VOPP1: variants seen among roughly 807,000 people sequenced by gnomAD.
VOPP1 encodes the protein VOPP1 WW domain binding protein.
In VOPP1, 8 loss-of-function variants were observed where a neutral mutation model predicts 23.5. That is an observed-to-expected ratio of 0.34 (90% CI 0.20 to 0.61). VOPP1 has a LOEUF of 0.61. Ranked by LOEUF, VOPP1 falls within the 20% of genes least tolerant of loss-of-function variation. The pLI, the probability that VOPP1 is intolerant of heterozygous loss-of-function variation, is 0.78. For synonymous variants in VOPP1, 83 were observed against 97.3 expected (o/e 0.85, Z 0.86); for missense variants, 174 against 238.1 (o/e 0.73, Z 1.77).
chr7:55,481,744 G>T (rs1052362972), intron 4 of VOPP1, among the ~76,000 whole-genome samples: 4 of 152,148 alleles, frequency 2.6e-5, no homozygotes, highest in African/African-American at 9.7e-5. Context: ...TGACTCTCCG[G>T]CCCTGTGCTC....
intron 1 of VOPP1, among the ~76,000 whole-genome samples, chr7:55,537,301 C>T (rs751811668): frequency 6.6e-6 from 1 of 152,222 alleles, no homozygotes; most frequent in Non-Finnish European, 1.5e-5. Context: ...TCACTGACGT[C>T]TCTCACACAC....
chr7:55,445,364 ATAT>A (rs1791076943), intron 4 of VOPP1, among the ~76,000 whole-genome samples: 1 of 152,298 alleles, frequency 6.6e-6, no homozygotes, highest in Non-Finnish European at 1.5e-5. Flanking sequence ...TACACACTTC[ATAT>A]GCCTCTTCTA....
chr7:55,558,435 C>A (rs533322929), intron 1 of VOPP1, among the ~76,000 whole-genome samples: 1 of 152,136 alleles, frequency 6.6e-6, no homozygotes, highest in East Asian at 1.9e-4. Flanking sequence ...CTTAAACTTC[C>A]ATCAGACAAC....
intron 1 of VOPP1, among the ~76,000 whole-genome samples, chr7:55,532,680 C>A (rs1370068818): frequency 6.6e-6 from 1 of 152,002 alleles, no homozygotes; most frequent in African/African-American, 2.4e-5. Flanking sequence ...CAGCTCAAAG[C>A]AATCTGAGGG....
chr7:55,480,658 G>A (rs1391975008), intron 4 of VOPP1, among the ~76,000 whole-genome samples: 2 of 152,048 alleles, frequency 1.3e-5, no homozygotes, highest in Non-Finnish European at 2.9e-5. Flanking sequence ...AGCCTCTTTT[G>A]AGGAGAGCTC....
intron 3 of VOPP1, among the ~76,000 whole-genome samples, chr7:55,494,795 G>A (rs1793833516): frequency 6.6e-6 from 1 of 152,106 alleles, no homozygotes; most frequent in Admixed American, 6.5e-5. Context: ...CTAACAAAGG[G>A]GCAGGAGAAA....
At chr7:55,502,052 C>T (rs1434595390) in intron 2 of VOPP1, among the ~76,000 whole-genome samples, 1 of 152,252 alleles carries the variant, frequency 6.6e-6, no homozygotes, top group African/African-American at 2.4e-5. Flanking sequence ...GTGACTGAAT[C>T]ATTTTTCATG....
intron 3 of VOPP1, among the ~76,000 whole-genome samples, chr7:55,493,375 T>C (rs1793717547): frequency 1.3e-5 from 2 of 152,218 alleles, no homozygotes; most frequent in Admixed American, 6.5e-5. Flanking sequence ...CCTGTGAGGA[T>C]GGGCACACAG....
At chr7:55,528,545 C>T (rs934188391) in intron 1 of VOPP1, among the ~76,000 whole-genome samples, 1 of 152,052 alleles carries the variant, frequency 6.6e-6, no homozygotes, top group Admixed American at 6.5e-5. Context: ...ATTAGCTGGG[C>T]GTGGTGGCGC....
chr7:55,482,039 ATT>A (rs1792751692), intron 4 of VOPP1, among the ~76,000 whole-genome samples: 1 of 152,144 alleles, frequency 6.6e-6, no homozygotes, highest in African/African-American at 2.4e-5. Flanking sequence ...ATATTTTTAC[ATT>A]TTTGTTTTAC....
intron 1 of VOPP1, among the ~76,000 whole-genome samples, chr7:55,561,421 A>G (rs912056240): frequency 2.6e-5 from 4 of 152,150 alleles, no homozygotes; most frequent in African/African-American, 9.7e-5. Context: ...TAAAGAATTT[A>G]CAGACCAGGC....
chr7:55,449,932 C>T (rs1370503969), intron 4 of VOPP1, among the ~76,000 whole-genome samples: 1 of 152,194 alleles, frequency 6.6e-6, no homozygotes, highest in Non-Finnish European at 1.5e-5. Flanking sequence ...AGGGGAGAAA[C>T]AAACATGTCA....
At chr7:55,502,200 C>T (rs914116526) in intron 2 of VOPP1, among the ~76,000 whole-genome samples, 3 of 152,216 alleles carry the variant, frequency 2.0e-5, no homozygotes, top group Admixed American at 2.0e-4. Context: ...ATATGTAGAG[C>T]CCTCGTCCAG....
At chr7:55,492,104 T>C (rs1181922123) in intron 4 of VOPP1, among the ~76,000 whole-genome samples, 178 bp downstream of exon 4, 2 of 152,192 alleles carry the variant, frequency 1.3e-5, no homozygotes, top group Admixed American at 6.5e-5. Flanking sequence ...GCGTGCGATA[T>C]ACCTTACATT....
downstream of VOPP1, among the ~76,000 whole-genome samples, chr7:55,465,852 C>T (rs1791618143): frequency 6.6e-6 from 1 of 152,204 alleles, no homozygotes; most frequent in Non-Finnish European, 1.5e-5. Flanking sequence ...CAGGGACTCT[C>T]TCACATCTAC....
intron 4 of VOPP1, among the ~76,000 whole-genome samples, chr7:55,452,578 CAAT>C (rs1160182757): frequency 2.0e-5 from 3 of 152,270 alleles, no homozygotes; most frequent in South Asian, 4.1e-4. Context: ...ATGTCATAAA[CAAT>C]AAGACTTGAA....
intron 4 of VOPP1, among the ~76,000 whole-genome samples, chr7:55,438,788 A>C (rs1442087908): frequency 1.3e-5 from 2 of 152,236 alleles, no homozygotes; most frequent in Non-Finnish European, 2.9e-5. Flanking sequence ...GTAGGAGCAC[A>C]GGCAGGAGCA....
At chr7:55,443,967 AT>A (rs1342980473) in intron 4 of VOPP1, among the ~76,000 whole-genome samples, 2 of 152,094 alleles carry the variant, frequency 1.3e-5, no homozygotes, top group Non-Finnish European at 2.9e-5. Context: ...ATTCAGATTG[AT>A]ATGTTGCCTG....
At chr7:55,530,721 T>C (rs1318596952) in intron 1 of VOPP1, 2 of 152,194 alleles carry the variant, frequency 1.3e-5, no homozygotes, top group Non-Finnish European at 2.9e-5. Flanking sequence ...TATTTTGCTG[T>C]ATAGAAGAAA....
Sources: allele counts gnomAD v4.1 joint callset (sites outside exome capture counted in the v4.1 genomes callset), GRCh38; gene constraint gnomAD v4.1.1; transcripts MANE v1.5; gene names NCBI Gene and HGNC (gene_info 2026-07-23, HGNC 2026-07-21).